Variants in DPH6 observed in about 807,000 individuals in gnomAD.
DPH6 encodes the protein diphthamine biosynthesis 6.
Under a neutral mutation model 38.2 loss-of-function variants are expected in DPH6, and 33 were observed. That is an observed-to-expected ratio of 0.86 (90% CI 0.65 to 1.15). The LOEUF (loss-of-function observed/expected upper bound fraction) is 1.15, where lower values mean the gene tolerates loss of function less well. DPH6 is among the 50% of genes most tolerant of loss of function. The pLI, the probability that DPH6 is intolerant of heterozygous loss-of-function variation, is 0.00. For synonymous variants in DPH6, 108 were observed against 103.0 expected, an observed-to-expected ratio of 1.05 and a Z score of -0.30; for missense variants, 325 against 320.0, an observed-to-expected ratio of 1.02 and a Z score of -0.12.
chr15:35,469,481 T>C (rs908188346), intron 3 of DPH6, among the ~76,000 whole-genome samples: 2 of 152,100 alleles, frequency 1.3e-5, no homozygotes, highest in Non-Finnish European at 2.9e-5. Context: ...ACTAAGGCAG[T>C]AGTTATGACA....
downstream of DPH6, among the ~76,000 whole-genome samples, chr15:35,368,035 T>A (rs1028124929): frequency 3.3e-5 from 5 of 151,942 alleles, no homozygotes; most frequent in African/African-American, 1.2e-4. Context: ...GGAACAGTAG[T>A]CAAGACATCT....
At chr15:35,261,484 G>A (rs573133094) in intron 3 of DPH6, among the ~76,000 whole-genome samples, 8 of 152,162 alleles carry the variant, frequency 5.3e-5, no homozygotes, top group African/African-American at 1.9e-4. Context: ...GAAGTGCTTA[G>A]GTTAACCAAT....
chr15:35,403,582 C>G (rs981893901), intron 6 of DPH6, among the ~76,000 whole-genome samples: 3 of 152,046 alleles, frequency 2.0e-5, no homozygotes, highest in African/African-American at 7.2e-5. Context: ...ACAATCATGG[C>G]TCATGGCAGC....
At chr15:35,362,894 C>T (rs187291105) in intron 3 of DPH6, among the ~76,000 whole-genome samples, 1 of 152,064 alleles carries the variant, frequency 6.6e-6, no homozygotes, top group Non-Finnish European at 1.5e-5. Context: ...TACTGTTGTC[C>T]CCATGGGGAA....
At position 35,498,978 on chromosome 15, in the gene DPH6, T is replaced by C. The variant is rs74010312; in HGVS notation, c.312+39296A>G. On this transcript the variant is annotated intron_variant, in intron 3 of 8. Coordinates refer to ENST00000256538, the MANE Select transcript of DPH6 (RefSeq NM_080650.4). The stretch of plus-strand genomic sequence containing the variant: ...AAAAAAAAAAAAAAGTATCCCGTTA[T>C]ATATGTTAATATATAGGCCTTAGAA... Among the ~76,000 whole-genome samples, 98 of 150,302 alleles carry C rather than the reference T, an allele frequency of 6.5e-4. 1 individual carries two copies. Among genetic ancestry groups the C allele is most frequent in the African/African-American group, 1.1e-3 (46 of 40,750 alleles).
At chr15:35,417,538 T>C (rs1388421004) in intron 5 of DPH6, among the ~76,000 whole-genome samples, 1 of 152,004 alleles carries the variant, frequency 6.6e-6, no homozygotes, top group Non-Finnish European at 1.5e-5. Context: ...AATGTCTGAG[T>C]TAAATTTTAA....
intron 3 of DPH6, among the ~76,000 whole-genome samples, chr15:35,252,113 G>A (rs960669543): frequency 1.5e-4 from 23 of 152,210 alleles, no homozygotes; most frequent in African/African-American, 5.5e-4. Context: ...AAGAGCCAGA[G>A]TCCATCTCAA....
intron 5 of DPH6, among the ~76,000 whole-genome samples, chr15:35,444,509 A>G (rs1338925989): frequency 6.6e-6 from 1 of 152,200 alleles, no homozygotes; most frequent in Non-Finnish European, 1.5e-5. Context: ...TTGATCTTTA[A>G]AAACAACAAC....
chr15:35,362,546 C>G (rs946906133), intron 3 of DPH6, among the ~76,000 whole-genome samples: 2 of 152,176 alleles, frequency 1.3e-5, no homozygotes, highest in Non-Finnish European at 2.9e-5. Context: ...TTGTAATAAG[C>G]TTCTAAACTT....
At chr15:35,414,648 T>G (rs1219970515) in intron 5 of DPH6, among the ~76,000 whole-genome samples, 1 of 151,848 alleles carries the variant, frequency 6.6e-6, no homozygotes, top group African/African-American at 2.4e-5. Context: ...CTCCATGTTT[T>G]AATTGCATTT....
intron 3 of DPH6, chr15:35,282,616 G>T: frequency 2.5e-6 from 1 of 394,370 alleles, no homozygotes. Context: ...AGCCAATCTG[G>T]GAGCAGATTG....
At chr15:35,251,776 CA>C (rs1203356789) in intron 3 of DPH6, among the ~76,000 whole-genome samples, 2 of 152,208 alleles carry the variant, frequency 1.3e-5, no homozygotes, top group Non-Finnish European at 2.9e-5. Flanking sequence ...TCAGTAAACG[CA>C]AAGTGAATGA....
chr15:35,381,971 A>T, intron 6 of DPH6, 55 bp from the exon 7 acceptor site: 1 of 1,328,714 alleles, frequency 7.5e-7, no homozygotes, highest in Non-Finnish European at 1.1e-6. Flanking sequence ...AGACAGCATA[A>T]ATGCTCTCTT....
intron 3 of DPH6, among the ~76,000 whole-genome samples, chr15:35,287,426 A>G (rs528556695): frequency 3.9e-5 from 6 of 152,332 alleles, no homozygotes; most frequent in African/African-American, 1.4e-4. Flanking sequence ...ACAGAACTCA[A>G]TAAATAATGT....
chr15:35,191,433 T>C, the DPH6 span, among the ~76,000 whole-genome samples: 1 of 152,306 alleles, frequency 6.6e-6, no homozygotes, highest in Middle Eastern at 3.4e-3. Context: ...ATCATGCTTG[T>C]CATTTGAAAA....
intron 3 of DPH6, among the ~76,000 whole-genome samples, chr15:35,233,011 G>T (rs2051528517): frequency 6.6e-6 from 1 of 152,076 alleles, no homozygotes; most frequent in South Asian, 2.1e-4. Flanking sequence ...ATGCAACCAT[G>T]AAAAAGAATG....
chr15:35,412,826 AG>A (rs1174672163), intron 5 of DPH6, among the ~76,000 whole-genome samples: 1 of 151,690 alleles, frequency 6.6e-6, no homozygotes, highest in Non-Finnish European at 1.5e-5. Flanking sequence ...GGTTTTGGGT[AG>A]GGGGCAGACA....
chr15:35,298,081 T>A (rs561154407), intron 3 of DPH6, among the ~76,000 whole-genome samples: 2 of 152,122 alleles, frequency 1.3e-5, no homozygotes, highest in South Asian at 4.1e-4. Context: ...TATACTATAT[T>A]AAAAAGCCAC....
At chr15:35,265,989 G>T (rs188668220) in intron 3 of DPH6, among the ~76,000 whole-genome samples, 5 of 152,218 alleles carry the variant, frequency 3.3e-5, no homozygotes, top group African/African-American at 1.2e-4. Flanking sequence ...CTGAATACAA[G>T]TTCTCCAGGA....
Sources: gnomAD v4.1 joint callset for allele counts (sites outside exome capture counted in the v4.1 genomes callset) on GRCh38, gnomAD v4.1.1 for gene constraint, MANE v1.5 for transcripts, NCBI Gene and HGNC (gene_info 2026-07-23, HGNC 2026-07-21) for gene names.